RNF213: variants seen among roughly 807,000 people sequenced by gnomAD.
RNF213 encodes E3 ubiquitin-protein ligase RNF213.
RNF213 carries 341 observed loss-of-function variants against 514.4 expected under a neutral mutation model. That is an observed-to-expected ratio of 0.66 (90% CI 0.61 to 0.73). RNF213 has a LOEUF of 0.73. Ranked by LOEUF, RNF213 falls within the 30% of genes least tolerant of loss-of-function variation. The probability of loss-of-function intolerance (pLI) is 0.00; values close to 1 mark genes in which losing one functional copy is unlikely to be tolerated. For missense variants in RNF213, 5,767 were observed against 6,615.6 expected (o/e 0.87, Z 4.45); for synonymous variants, 2,655 against 2,658.2 (o/e 1.00, Z 0.04).
intron 24 of RNF213, 36 bp from the exon 25 acceptor site, chr17:80,337,797 C>T (rs1599052318): frequency 1.3e-6 from 2 of 1,536,208 alleles, no homozygotes. Flanking sequence ...GTCTTCTGGC[C>T]CCAAGAAAGT....
rs773083386 is a variant in RNF213 at position 80,358,484 on chromosome 17, G to A, written c.11054+5G>A. On this transcript the variant is annotated splice_donor_5th_base_variant and intron_variant, in intron 37 of 67. Transcript: ENST00000582970. The stretch of plus-strand genomic sequence containing the variant: ...TCTTGTGATGAATAATGAAAGGTGA[G>A]TGGAAGGCTTTCTTTCCCTGGGGAG... The A allele has an allele frequency of 5.6e-6, 9 of 1,612,234 alleles. No homozygotes were observed. Among genetic ancestry groups the A allele is most frequent in the Non-Finnish European group, 6.8e-6 (8 of 1,178,384 alleles).
chr17:80,291,262 A>T (rs1483813837), intron 7 of RNF213, among the ~76,000 whole-genome samples: 7 of 137,398 alleles, frequency 5.1e-5, no homozygotes, highest in South Asian at 2.3e-4. Context: ...CTTTCTTATA[A>T]TTTTTTTTTT....
At position 80,386,892 on chromosome 17, in the gene RNF213, G is replaced by C; in HGVS notation, c.14922+1G>C. The C allele has an allele frequency of 6.2e-7, 1 of 1,609,544 alleles. No homozygotes were observed. Among genetic ancestry groups the C allele is most frequent in the Non-Finnish European group, 8.5e-7 (1 of 1,178,512 alleles). On this transcript the variant is annotated splice_donor_variant, in intron 63 of 67. Coordinates refer to ENST00000582970, the MANE Select transcript of RNF213 (RefSeq NM_001256071.3). LOFTEE classifies it high-confidence loss of function. ...GGGCAAGCCCCGGCTGAGCCTCAAG[G>C]TAGGGCTGACTCCTGCCACTGCTGC...
intron 3 of RNF213, chr17:80,278,808 A>G: frequency 6.5e-7 from 1 of 1,537,196 alleles, no homozygotes; most frequent in African/African-American, 1.4e-5. Context: ...TAGACCTCAT[A>G]TCCGATGAAT....
At chr17:80,281,264 A>C (rs2044257562) in intron 3 of RNF213, among the ~76,000 whole-genome samples, 1 of 66,220 alleles carries the variant, frequency 1.5e-5, no homozygotes, top group Non-Finnish European at 2.8e-5. Context: ...TACCCCACTC[A>C]CACCACTCAC....
At chr17:80,340,613 T>TG (rs2078127114) in intron 26 of RNF213, 1 of 237,938 alleles carries the variant, frequency 4.2e-6, no homozygotes, top group African/African-American at 3.0e-5. Context: ...TTTGTGGTTT[T>TG]TTTTTTTTTT....
chr17:80,321,995 A>C (rs903413000), intron 17 of RNF213, among the ~76,000 whole-genome samples: 1 of 152,138 alleles, frequency 6.6e-6, no homozygotes, highest in Non-Finnish European at 1.5e-5. Flanking sequence ...AAGTGCTGGG[A>C]TTACAGGCGT....
At chr17:80,327,584 ATCT>A (rs1435526073) in intron 18 of RNF213, among the ~76,000 whole-genome samples, 1 of 152,128 alleles carries the variant, frequency 6.6e-6, no homozygotes, top group Non-Finnish European at 1.5e-5. Context: ...GCGGGAAGTC[ATCT>A]TCTTGGACAA....
intron 11 of RNF213, among the ~76,000 whole-genome samples, chr17:80,300,482 G>A (rs2045136660): frequency 6.6e-6 from 1 of 152,066 alleles, no homozygotes; most frequent in Non-Finnish European, 1.5e-5. Flanking sequence ...GACCTCAAGT[G>A]ATCCACCTGC....
At chr17:80,313,832 G>C (rs1470011299) in intron 15 of RNF213, among the ~76,000 whole-genome samples, 1 of 75,452 alleles carries the variant, frequency 1.3e-5, no homozygotes, top group African/African-American at 6.8e-5. Context: ...TGGTGGTGGA[G>C]GTGATGGTGG....
rs749967919 is a variant in RNF213 at position 80,295,814 on chromosome 17, GTAT to G, written c.2012+9_2012+11del. On this transcript the variant is annotated splice_donor_variant and splice_donor_region_variant and intron_variant, in intron 10 of 67. Coordinates refer to ENST00000582970, the MANE Select transcript of RNF213 (RefSeq NM_001256071.3). LOFTEE classifies it high-confidence loss of function. The stretch of plus-strand genomic sequence containing the variant: ...GCCACATCCTTGGGATACCTCAGAG[GTAT>G]TATTATTTTTTGTCAAAATGTTTTT... The G allele has an allele frequency of 3.1e-6, 5 of 1,613,862 alleles. No individual in the cohort carries two copies. The highest frequency in any genetic ancestry group is 3.4e-6 in the Non-Finnish European group (4 of 1,179,994).
At chr17:80,289,172 A>G (rs1350956591) in intron 5 of RNF213, among the ~76,000 whole-genome samples, 2 of 152,198 alleles carry the variant, frequency 1.3e-5, no homozygotes, top group East Asian at 1.9e-4. Context: ...GAGGCCACCA[A>G]TGAGGCTGGA....
At chr17:80,381,127 T>C (rs2079982411) in intron 56 of RNF213, 140 bp downstream of exon 56, 2 of 897,318 alleles carry the variant, frequency 2.2e-6, no homozygotes, top group South Asian at 1.3e-5. Flanking sequence ...ATACAAGTTA[T>C]ACATCTTCAT....
In RNF213 at chr17:80,369,650, C is replaced by A; in HGVS notation, c.12304C>A (p.Arg4102Ser). Residue 4102 changes from arginine to serine, a missense_variant, in exon 45 of 68, where the codon CGC (arginine) becomes AGC (serine). By Grantham distance (110) the Arg-to-Ser change is moderately radical. Around this residue, in one of 13 missense-constraint regions of RNF213, gnomAD observed 93 missense variants for 95.6 expected, o/e 0.97. Coordinates refer to ENST00000582970, the MANE Select transcript of RNF213 (RefSeq NM_001256071.3). Reference sequence around the variant, plus strand: ...CTCTCTCCTCTTCGTCCAAAAGGGGCGCTTAAGAGATGCTGCCCAGAGTAG... The same window carrying A: ...CTCTCTCCTCTTCGTCCAAAAGGGGAGCTTAAGAGATGCTGCCCAGAGTAG... The part of the protein sequence containing the change: ...LLSLLFVQKG[R>S]LRDAAQRHCE... 1 of 1,614,220 alleles carries A rather than the reference C, an allele frequency of 6.2e-7. No homozygotes were observed. Among genetic ancestry groups the A allele is most frequent in the Non-Finnish European group, 8.5e-7 (1 of 1,180,042 alleles).
In RNF213 at chr17:80,377,686, G is replaced by A; in HGVS notation, c.13511-76G>A. ...ATTGTGGTCAGGGCCAGAGAGTAGA[G>A]AGTTAGCTTTCCCTTTTCAATGTGG... On this transcript the variant is annotated intron_variant, in intron 53 of 67. Coordinates refer to ENST00000582970, the MANE Select transcript of RNF213 (RefSeq NM_001256071.3). This position sits in a 1 kb window ranked among gnomAD's most constrained non-coding sequence, Gnocchi z 4.1. The A allele has an allele frequency of 6.6e-7, 1 of 1,518,352 alleles. No homozygotes were observed. Among genetic ancestry groups the A allele is most frequent in the Non-Finnish European group, 9.2e-7 (1 of 1,092,604 alleles). The allele number at this position is 1,518,352 out of a possible 1,614,324, so 94.1% of individuals were successfully genotyped here. A position where few individuals can be genotyped will look rare whatever the true frequency, so the allele number is the denominator to read the frequency against.
At chr17:80,278,525 C>T (rs1457090048) in intron 3 of RNF213, among the ~76,000 whole-genome samples, 3 of 152,232 alleles carry the variant, frequency 2.0e-5, no homozygotes, top group Non-Finnish European at 4.4e-5. Context: ...CAGTTCTCCT[C>T]TTACGTGGAC....
rs777948215 is a variant in RNF213 at position 80,353,619 on chromosome 17, A to G, written c.10531A>G (p.Ser3511Gly). ...GGCAGAGGAGGCCATGGAAACAGAA[A>G]GTTCTGAGAAGGTGGGAAAGGAAAC... ...EVAEEAMETE[S>G]SEKVGKETSE... Residue 3511 changes from serine to glycine, a missense_variant, in exon 34 of 68, where the codon AGT becomes GGT. Around this residue, in one of 13 missense-constraint regions of RNF213, gnomAD observed 919 missense variants for 1,121.0 expected, o/e 0.82. Transcript: ENST00000582970. The surrounding 1 kb of genome is among the most constrained non-coding windows in gnomAD (Gnocchi z 5.0). The G allele has an allele frequency of 6.2e-7, 1 of 1,614,070 alleles. No individual in the cohort carries two copies. Among genetic ancestry groups the G allele is most frequent in the East Asian group, 2.2e-5 (1 of 44,888 alleles).
rs775993745 is a variant in RNF213 at position 80,371,905 on chromosome 17, T to C, written c.12457T>C (p.Tyr4153His). The C allele has an allele frequency of 6.4e-7, 1 of 1,561,734 alleles. No homozygotes were observed. Among genetic ancestry groups the C allele is most frequent in the Non-Finnish European group, 8.8e-7 (1 of 1,132,156 alleles). ...TGATGTAAAAGATTATATTCAGGAA[T>C]ATTTGACCCTGTTAAAAAAGAAAGC... is the stretch of plus-strand genomic sequence containing the variant. ...FHDVKDYIQE[Y>H]LTLLKKKAFI... Residue 4153 changes from tyrosine (Y) to histidine (H), a missense_variant, in exon 47 of 68, where the codon TAT becomes CAT. Around this residue, in one of 13 missense-constraint regions of RNF213, gnomAD observed 1,245 missense variants for 1,339.0 expected, o/e 0.93. Transcript: ENST00000582970.
intron 67 of RNF213, among the ~76,000 whole-genome samples, chr17:80,391,950 G>T (rs1015277099): frequency 7.3e-5 from 11 of 150,914 alleles, no homozygotes; most frequent in Non-Finnish European, 1.2e-4. Context: ...TGTACTTTTA[G>T]TAGAGACGGG....
Sources: gnomAD v4.1 joint callset for allele counts (sites outside exome capture counted in the v4.1 genomes callset) on GRCh38, gnomAD v4.1.1 for gene constraint, gnomAD v4.1.1 regional missense constraint, Gnocchi (gnomAD v3.1) non-coding constraint, MANE v1.5 for transcripts, NCBI Gene and HGNC (gene_info 2026-07-23, HGNC 2026-07-21) for gene names.